AGBL1: variants seen among roughly 807,000 people sequenced by gnomAD.
The protein encoded by AGBL1 is AGBL carboxypeptidase 1.
AGBL1 carries 130 observed loss-of-function variants against 118.9 expected under a neutral mutation model. That is an observed-to-expected ratio of 1.09 (90% CI 0.95 to 1.26). AGBL1 has a LOEUF of 1.26. AGBL1 is among the 50% of genes most tolerant of loss of function. AGBL1 has a pLI of 0.00. For missense variants in AGBL1, 1,584 were observed against 1,298.1 expected (o/e 1.22, Z -3.38); for synonymous variants, 555 against 478.9 (o/e 1.16, Z -2.08).
intron 17 of AGBL1, among the ~76,000 whole-genome samples, chr15:86,300,367 T>C (rs1428188050): frequency 6.6e-6 from 1 of 152,190 alleles, no homozygotes; most frequent in Non-Finnish European, 1.5e-5. Context: ...ATTGCCAAAC[T>C]GGACATCTCT....
At chr15:86,651,575 T>TG (rs1489370516) in intron 21 of AGBL1, among the ~76,000 whole-genome samples, 1 of 152,224 alleles carries the variant, frequency 6.6e-6, no homozygotes. Context: ...ACAATGCTGT[T>TG]GTCAGGATTG....
At chr15:86,499,612 A>G (rs752782006) in intron 18 of AGBL1, among the ~76,000 whole-genome samples, 25 of 151,974 alleles carry the variant, frequency 1.6e-4, no homozygotes, top group Non-Finnish European at 3.1e-4. Context: ...GCAGAATAGC[A>G]AACAGGTAAT....
At chr15:86,312,066 C>T (rs1038393930) in intron 17 of AGBL1, 18 of 152,218 alleles carry the variant, frequency 1.2e-4, no homozygotes, top group African/African-American at 3.9e-4. Context: ...CTTCATTTCT[C>T]TGTTAGAGTA....
chr15:86,795,270 G>C (rs1268691123), intron 22 of AGBL1, among the ~76,000 whole-genome samples: 1 of 152,170 alleles, frequency 6.6e-6, no homozygotes, highest in South Asian at 2.1e-4. Context: ...ACAAATCATT[G>C]CCTGGACGGA....
intron 18 of AGBL1, among the ~76,000 whole-genome samples, chr15:86,434,114 G>T (rs747250034): frequency 7.2e-5 from 11 of 152,188 alleles, no homozygotes; most frequent in South Asian, 2.1e-4. Context: ...AGTCATTTCA[G>T]CTTTCAAAAA....
chr15:86,310,315 C>T (rs985204694), intron 17 of AGBL1, among the ~76,000 whole-genome samples: 1 of 151,770 alleles, frequency 6.6e-6, no homozygotes. Flanking sequence ...CTCTTTTTCT[C>T]TTACTTAGTT....
chr15:86,831,259 C>T (rs2079100308), intron 22 of AGBL1, among the ~76,000 whole-genome samples: 1 of 152,092 alleles, frequency 6.6e-6, no homozygotes, highest in South Asian at 2.1e-4. Context: ...ATCATTAAAC[C>T]CCTGTACCCT....
intron 22 of AGBL1, among the ~76,000 whole-genome samples, chr15:86,857,978 C>G (rs569660828): frequency 6.6e-6 from 1 of 152,250 alleles, no homozygotes; most frequent in Admixed American, 6.5e-5. Flanking sequence ...CTTTTATGAG[C>G]CCTTACCAGA....
At chr15:86,569,593 A>G (rs1422115684) in intron 21 of AGBL1, among the ~76,000 whole-genome samples, 1 of 152,226 alleles carries the variant, frequency 6.6e-6, no homozygotes, top group Non-Finnish European at 1.5e-5. Flanking sequence ...AAAGCACACT[A>G]TGAGCAGTTT....
chr15:87,026,858 C>A lies in AGBL1; in HGVS notation c.3324-1967C>A, dbSNP rs115557844. ...GCAGCAACCTGGAGGAGACTGGGGA[C>A]TATGATTTGAAGTGAAGTAACTCAG... On this transcript the variant is annotated intron_variant, in intron 24 of 24. Coordinates refer to the AGBL1 transcript ENST00000441037. 4.9e-3 allele frequency among the ~76,000 whole-genome samples: 752 copies of A among 152,042 alleles called. 8 individuals carry two copies. The highest frequency in any genetic ancestry group is 0.016 in the African/African-American group (681 of 41,484).
intron 22 of AGBL1, among the ~76,000 whole-genome samples, chr15:86,752,202 G>T (rs1433843681): frequency 6.6e-6 from 1 of 152,020 alleles, no homozygotes; most frequent in Non-Finnish European, 1.5e-5. Flanking sequence ...GCTAAATGAA[G>T]CCCTCACACT....
intron 24 of AGBL1, among the ~76,000 whole-genome samples, chr15:86,994,124 C>T (rs1159512444): frequency 6.6e-6 from 1 of 152,078 alleles, no homozygotes; most frequent in African/African-American, 2.4e-5. Flanking sequence ...AGGAAGCTCC[C>T]CGCAGCAAAG....
intron 18 of AGBL1, among the ~76,000 whole-genome samples, chr15:86,440,276 A>G (rs1413531922): frequency 2.0e-5 from 3 of 152,110 alleles, no homozygotes; most frequent in African/African-American, 7.2e-5. Flanking sequence ...AAAAAATAAT[A>G]AAAGAATCTG....
At chr15:86,192,154 G>A (rs527321863) in intron 5 of AGBL1, among the ~76,000 whole-genome samples, 2 of 150,704 alleles carry the variant, frequency 1.3e-5, no homozygotes, top group Admixed American at 6.6e-5. Flanking sequence ...ACGCATGCAC[G>A]TGCACACACA....
At chr15:86,101,584 G>T (rs1218172646) in intron 1 of AGBL1, among the ~76,000 whole-genome samples, 1 of 148,916 alleles carries the variant, frequency 6.7e-6, no homozygotes, top group African/African-American at 2.5e-5. Context: ...CAATTGTTAT[G>T]TCCTCTTGTT....
intron 5 of AGBL1, among the ~76,000 whole-genome samples, chr15:86,188,672 C>T (rs1046815245): frequency 1.3e-4 from 20 of 152,150 alleles, no homozygotes; most frequent in African/African-American, 4.8e-4. Flanking sequence ...TTCCTCAGAA[C>T]ATGCAGAAGC....
chr15:86,298,611 CA>C (rs2079695747), intron 17 of AGBL1, among the ~76,000 whole-genome samples: 1 of 152,000 alleles, frequency 6.6e-6, no homozygotes, highest in African/African-American at 2.4e-5. Context: ...GGCCTCCCTT[CA>C]GGTGAGATTA....
intron 21 of AGBL1, among the ~76,000 whole-genome samples, chr15:86,647,632 C>A (rs144276385): frequency 6.6e-6 from 1 of 151,998 alleles, no homozygotes; most frequent in Admixed American, 6.6e-5. Context: ...ACCTAGGAGG[C>A]GGAGGTTGCA....
intron 17 of AGBL1, among the ~76,000 whole-genome samples, chr15:86,338,804 C>A (rs985881295): frequency 6.6e-6 from 1 of 152,064 alleles, no homozygotes; most frequent in Non-Finnish European, 1.5e-5. Context: ...CTTCCTGGAC[C>A]ATTGAAAAAG....
Sources: allele counts gnomAD v4.1 joint callset (sites outside exome capture counted in the v4.1 genomes callset), GRCh38; gene constraint gnomAD v4.1.1; transcripts MANE v1.5; gene names NCBI Gene and HGNC (gene_info 2026-07-23, HGNC 2026-07-21).